RAB18: variants seen among roughly 807,000 people sequenced by gnomAD.
RAB18 encodes the protein RAB18, member RAS oncogene family.
Under a neutral mutation model 28.5 loss-of-function variants are expected in RAB18, and 10 were observed. The ratio of observed to expected loss-of-function variants is 0.35; its 90% CI spans 0.22 to 0.60. The LOEUF is 0.60. Among genes scored for constraint, RAB18 ranks in the 20% least tolerant of loss-of-function variants. The probability of loss-of-function intolerance (pLI) is 0.78; values close to 1 mark genes in which losing one functional copy is unlikely to be tolerated. For missense variants in RAB18, 188 were observed against 244.2 expected, an observed-to-expected ratio of 0.77 and a Z score of 1.53; for synonymous variants, 93 against 86.9, an observed-to-expected ratio of 1.07 and a Z score of -0.39.
chr10:27,528,353 C>G (rs1834721667), intron 3 of RAB18: 1 of 482,842 alleles, frequency 2.1e-6, no homozygotes, highest in Admixed American at 2.2e-5. Flanking sequence ...AATACAGGGT[C>G]ATTCTAAAAG....
At position 27,509,724 on chromosome 10, in the gene RAB18, A is replaced by G. The variant is rs202228111; in HGVS notation, c.69-151A>G. ...TTCTGGTAATTTAATTTTTCTGTGT[A>G]TACCTGCTCTGAGGCAGTATTCCTA... On this transcript the variant is annotated intron_variant, in intron 1 of 6. Transcript: ENST00000356940. The G allele has an allele frequency of 3.3e-5, 23 of 701,490 alleles. No individual in the cohort carries two copies. The East Asian group carries it at 4.6e-4, about 14-fold the overall frequency. The allele number at this position is 701,490 out of a possible 1,614,324, so 43.5% of individuals were successfully genotyped here.
intron 2 of RAB18, among the ~76,000 whole-genome samples, chr10:27,517,025 C>T (rs1166545846): frequency 6.6e-6 from 1 of 152,022 alleles, no homozygotes; most frequent in East Asian, 1.9e-4. Context: ...CAAGTAGGCA[C>T]CAAACATAGA....
chr10:27,516,973 G>A (rs1834448580), intron 2 of RAB18, among the ~76,000 whole-genome samples: 1 of 152,146 alleles, frequency 6.6e-6, no homozygotes, highest in African/African-American at 2.4e-5. Context: ...AGTATGTAAT[G>A]CTGGCCCAGT....
chr10:27,523,265 CTTTTTTT>C (rs34006982), intron 2 of RAB18, among the ~76,000 whole-genome samples: 39,484 of 81,414 alleles, frequency 0.48, 6,188 homozygotes, highest in Middle Eastern at 0.58. Flanking sequence ...TTTTCTTCTT[CTTTTTTT>C]TTTTTTTTTT....
chr10:27,511,707 T>C (rs980126664), intron 2 of RAB18, among the ~76,000 whole-genome samples: 1 of 152,150 alleles, frequency 6.6e-6, no homozygotes, highest in South Asian at 2.1e-4. Flanking sequence ...GTCAGTGAAG[T>C]TATTATTTTT....
intron 3 of RAB18, chr10:27,528,450 T>C (rs12258435): frequency 0.016 from 6,750 of 414,156 alleles, 373 homozygotes; most frequent in African/African-American, 0.12. Flanking sequence ...CTTTAAAATA[T>C]CAAGGGATAT....
intron 2 of RAB18, among the ~76,000 whole-genome samples, chr10:27,511,798 C>T (rs1271336505): frequency 6.6e-6 from 1 of 152,118 alleles, no homozygotes; most frequent in Non-Finnish European, 1.5e-5. Flanking sequence ...TTTTGCCCTC[C>T]TGTTGTAGCA....
intron 2 of RAB18, among the ~76,000 whole-genome samples, chr10:27,518,518 T>A (rs1219844975): frequency 6.6e-6 from 1 of 152,182 alleles, no homozygotes; most frequent in East Asian, 1.9e-4. Flanking sequence ...TGAGGTTGAG[T>A]ATCTTTTTAA....
intron 2 of RAB18, among the ~76,000 whole-genome samples, chr10:27,522,516 T>A (rs899329441): frequency 2.6e-5 from 4 of 152,158 alleles, no homozygotes; most frequent in Non-Finnish European, 5.9e-5. Flanking sequence ...AATCTTTTGA[T>A]AGGAGAGTTT....
chr10:27,524,505 G>T (rs1176849456), intron 2 of RAB18, among the ~76,000 whole-genome samples: 1 of 152,122 alleles, frequency 6.6e-6, no homozygotes. Flanking sequence ...TGGAGCCTTT[G>T]AAATAAGCAG....
chr10:27,526,290 A>T (rs1335328666), intron 2 of RAB18, among the ~76,000 whole-genome samples: 1 of 152,204 alleles, frequency 6.6e-6, no homozygotes, highest in Non-Finnish European at 1.5e-5. Flanking sequence ...TATTACATAA[A>T]AATAGTATTT....
chr10:27,505,260 C>T, intron 1 of RAB18: 3 of 447,318 alleles, frequency 6.7e-6, no homozygotes, highest in South Asian at 4.7e-5. Context: ...AGAGAGTTCT[C>T]CAGCTGATGT....
chr10:27,533,802 C>T lies in RAB18; in HGVS notation c.327C>T (p.Tyr109=). 1 of 1,613,634 alleles carries T rather than the reference C, an allele frequency of 6.2e-7. No homozygotes were observed. Among genetic ancestry groups the T allele is most frequent in the Non-Finnish European group, 8.5e-7 (1 of 1,179,748 alleles). The stretch of plus-strand genomic sequence containing the variant: ...ATTGGTTAAATGAATTGGAAACATA[C>T]TGTACAAGAAATGACATAGTAAACA... ...LDNWLNELET[Y]CTRNDIVNML... Residue 109 remains tyrosine, a synonymous_variant, in exon 5 of 7, where the codon TAC becomes TAT. Transcript: ENST00000356940.
chr10:27,529,356 G>C (rs764359918), intron 3 of RAB18, among the ~76,000 whole-genome samples: 14 of 151,850 alleles, frequency 9.2e-5, no homozygotes, highest in Non-Finnish European at 1.5e-5. Flanking sequence ...CGTTTCCTCT[G>C]TATTAGAAAT....
Position 27,520,185 on chromosome 10 carries a change from G to A in RAB18, c.125-6643G>A, listed in dbSNP as rs140757171. Among the ~76,000 whole-genome samples, 7 of 152,230 alleles carry A rather than the reference G, an allele frequency of 4.6e-5. No individual in the cohort carries two copies. The East Asian group carries it at 1.2e-3, about 25-fold the overall frequency. On this transcript the variant is annotated intron_variant, in intron 2 of 6. Transcript: ENST00000356940. ...TCTTACTAGTTATGGGTCTATTCAAGTTTTCTATTCATGAGTAAATTTTGG... is the reference window on the plus strand; with the variant it reads ...TCTTACTAGTTATGGGTCTATTCAAATTTTCTATTCATGAGTAAATTTTGG...
Position 27,539,007 on chromosome 10 carries a change from A to C in RAB18, c.*956A>C, listed in dbSNP as rs770434733. 8.0e-4 allele frequency: 343 copies of C among 430,236 alleles called. 1 individual carries two copies. The highest frequency in any genetic ancestry group is 1.1e-3 in the Non-Finnish European group (232 of 213,086). 26.7% of individuals were successfully genotyped at this position (430,236 alleles called of 1,614,324 possible). On this transcript the variant is annotated 3_prime_UTR_variant, in exon 7 of 7. Coordinates refer to ENST00000356940, the MANE Select transcript of RAB18 (RefSeq NM_021252.5). ...GTGTTTTGAGGGGTGGGGAAAAAAA[A>C]CACTAAGTGATAATTTGAAAAAGGC...
intron 2 of RAB18, among the ~76,000 whole-genome samples, chr10:27,524,683 GAC>G (rs1309234332): frequency 6.6e-6 from 1 of 152,236 alleles, no homozygotes; most frequent in Non-Finnish European, 1.5e-5. Flanking sequence ...AGAGATTGAA[GAC>G]ACAGTTTAAT....
chr10:27,532,878 C>T (rs1223051033), intron 4 of RAB18, among the ~76,000 whole-genome samples: 1 of 152,018 alleles, frequency 6.6e-6, no homozygotes, highest in African/African-American at 2.4e-5. Flanking sequence ...AGAAACTGGG[C>T]TTCTGTTATC....
intron 1 of RAB18, among the ~76,000 whole-genome samples, chr10:27,506,431 C>A (rs1034430560): frequency 3.3e-5 from 5 of 152,108 alleles, no homozygotes; most frequent in African/African-American, 7.2e-5. Flanking sequence ...AAGTGATCCT[C>A]CCACCTCAGC....
Sources: allele counts gnomAD v4.1 joint callset (sites outside exome capture counted in the v4.1 genomes callset), GRCh38; gene constraint gnomAD v4.1.1; transcripts MANE v1.5; gene names NCBI Gene and HGNC (gene_info 2026-07-23, HGNC 2026-07-21).